Variants in CDH9 observed in about 807,000 individuals in gnomAD.
CDH9 encodes cadherin-9.
Under a neutral mutation model 70.9 loss-of-function variants are expected in CDH9, and 28 were observed. That is an observed-to-expected ratio of 0.40 (90% CI 0.29 to 0.54). The LOEUF (loss-of-function observed/expected upper bound fraction) is 0.54, where lower values mean the gene tolerates loss of function less well. CDH9 is among the 20% of genes least tolerant of loss of function. The probability of loss-of-function intolerance (pLI) is 0.59; values close to 1 mark genes in which losing one functional copy is unlikely to be tolerated. For missense variants in CDH9, 874 were observed against 984.4 expected, an observed-to-expected ratio of 0.89 and a Z score of 1.50; for synonymous variants, 409 against 343.1, an observed-to-expected ratio of 1.19 and a Z score of -2.12.
chr5:26,930,677 A>C (rs1741427194), intron 2 of CDH9, among the ~76,000 whole-genome samples: 1 of 152,046 alleles, frequency 6.6e-6, no homozygotes, highest in Non-Finnish European at 1.5e-5. Flanking sequence ...CCTGTTATTA[A>C]TTGCAAAGGT....
At chr5:27,017,132 C>T (rs1743059779) in intron 1 of CDH9, among the ~76,000 whole-genome samples, 1 of 151,732 alleles carries the variant, frequency 6.6e-6, no homozygotes, top group Non-Finnish European at 1.5e-5. Context: ...TGTCAAAGTA[C>T]TTTTCAAAAA....
At chr5:27,038,209 AT>A (rs1345338187) in intron 1 of CDH9, among the ~76,000 whole-genome samples, 1 of 151,986 alleles carries the variant, frequency 6.6e-6, no homozygotes, top group African/African-American at 2.4e-5. Flanking sequence ...TATGAGGACT[AT>A]AAAAAGAGCT....
chr5:26,883,087 AT>A (rs1561181241), intron 11 of CDH9, among the ~76,000 whole-genome samples: 101 of 130,630 alleles, frequency 7.7e-4, no homozygotes, highest in African/African-American at 2.7e-3. Flanking sequence ...ATATATATAT[AT>A]ATATATAAAA....
intron 1 of CDH9, among the ~76,000 whole-genome samples, chr5:26,994,252 A>T (rs549781419): frequency 6.6e-6 from 1 of 152,290 alleles, no homozygotes; most frequent in Non-Finnish European, 1.5e-5. Context: ...TGGAATAAGT[A>T]TAGACTTTGG....
At chr5:26,964,556 T>G (rs895674452) in intron 2 of CDH9, among the ~76,000 whole-genome samples, 3 of 152,162 alleles carry the variant, frequency 2.0e-5, no homozygotes, top group Non-Finnish European at 4.4e-5. Context: ...GAGATCATAT[T>G]TATTATATGA....
intron 7 of CDH9, 59 bp from the exon 8 acceptor site, chr5:26,890,623 T>C (rs1157329284): frequency 2.5e-6 from 3 of 1,219,348 alleles, no homozygotes; most frequent in Admixed American, 1.8e-5. Context: ...GTTCTACTCT[T>C]TCTTAAAGCT....
Position 26,906,729 on chromosome 5 carries a change from G to C in CDH9, c.633C>G (p.Asp211Glu). ...ILQGQPYFSV[D>E]PESGIIKTAL... is the part of the protein sequence containing the mutation. Reference sequence around the variant, plus strand: ...GTTTAAATGTTGTACCTGATTCTGGGTCCACTGAAAAATATGGCTGTCCTT... The same window carrying C: ...GTTTAAATGTTGTACCTGATTCTGGCTCCACTGAAAAATATGGCTGTCCTT... Residue 211 changes from aspartate (D) to glutamate (E), a missense_variant, in exon 4 of 12, where the codon GAC (aspartate) becomes GAG (glutamate). Physicochemically the swap from Asp to Glu is conservative, Grantham distance 45. Transcript: ENST00000231021. The C allele has an allele frequency of 6.2e-7, 1 of 1,612,876 alleles. No homozygotes were observed. Among genetic ancestry groups the C allele is most frequent in the Non-Finnish European group, 8.5e-7 (1 of 1,179,448 alleles).
chr5:26,925,434 A>G (rs1411009238), intron 2 of CDH9, among the ~76,000 whole-genome samples: 3 of 152,102 alleles, frequency 2.0e-5, no homozygotes, highest in African/African-American at 7.2e-5. Flanking sequence ...AGTTCTTTGT[A>G]GATTCTAGAT....
intron 1 of CDH9, 105 bp from the exon 2 acceptor site, chr5:26,988,487 G>A (rs1312251479): frequency 6.2e-6 from 6 of 975,552 alleles, no homozygotes; most frequent in Non-Finnish European, 8.6e-6. Flanking sequence ...ATTTTATTAT[G>A]TACTATATAT....
chr5:27,009,789 T>A (rs527384363), intron 1 of CDH9, among the ~76,000 whole-genome samples: 2 of 152,104 alleles, frequency 1.3e-5, no homozygotes, highest in Non-Finnish European at 2.9e-5. Flanking sequence ...TCTATTTGAC[T>A]CCAGTCAGTT....
At position 26,965,572 on chromosome 5, in the gene CDH9, T is replaced by C. The variant is rs184844922; in HGVS notation, c.228+22534A>G. Among the ~76,000 whole-genome samples the C allele has an allele frequency of 6.4e-3, 916 of 142,846 alleles. 9 individuals carry two copies. Among genetic ancestry groups the C allele is most frequent in the African/African-American group, 0.024 (863 of 35,494 alleles). The allele number at this position is 142,846 out of a possible 152,430, so 93.7% of individuals were successfully genotyped here. A position where few individuals can be genotyped will look rare whatever the true frequency, so the allele number is the denominator to read the frequency against. On this transcript the variant is annotated intron_variant, in intron 2 of 11. Transcript: ENST00000231021. ...GCGTGCATGACAGAGTGAGACTCTG[T>C]CTTAATAATAATAATAATAATAATA...
intron 1 of CDH9, among the ~76,000 whole-genome samples, chr5:26,997,103 T>C (rs1742678717): frequency 6.6e-6 from 1 of 152,072 alleles, no homozygotes; most frequent in Non-Finnish European, 1.5e-5. Context: ...TTATAAAATA[T>C]GATATGTATA....
At chr5:26,899,327 C>A (rs1485366430) in intron 7 of CDH9, among the ~76,000 whole-genome samples, 1 of 152,106 alleles carries the variant, frequency 6.6e-6, no homozygotes, top group East Asian at 1.9e-4. Context: ...TGGGTATATA[C>A]CCCAAGGATT....
intron 1 of CDH9, among the ~76,000 whole-genome samples, chr5:27,035,536 C>A (rs149636740): frequency 4.1e-4 from 62 of 151,780 alleles, no homozygotes; most frequent in African/African-American, 1.5e-3. Flanking sequence ...TTATATTTAG[C>A]ATGCTTTCTT....
intron 2 of CDH9, among the ~76,000 whole-genome samples, chr5:26,925,015 T>A (rs1291463595): frequency 6.6e-6 from 1 of 152,094 alleles, no homozygotes; most frequent in Non-Finnish European, 1.5e-5. Flanking sequence ...TAAACATACG[T>A]GTGCATGTGT....
intron 4 of CDH9, 60 bp downstream of exon 4, chr5:26,906,659 A>C (rs1740953931): frequency 1.3e-6 from 2 of 1,552,306 alleles, no homozygotes; most frequent in Middle Eastern, 1.7e-4. Context: ...AAATCTCTAA[A>C]TTAATTATGC....
At chr5:26,940,521 G>T (rs981134152) in intron 2 of CDH9, among the ~76,000 whole-genome samples, 6 of 144,222 alleles carry the variant, frequency 4.2e-5, no homozygotes, top group Non-Finnish European at 1.5e-5. Context: ...GTTATAAAAG[G>T]TTATAAAAAG....
chr5:26,958,909 A>G (rs915787264), intron 2 of CDH9, among the ~76,000 whole-genome samples: 17 of 152,190 alleles, frequency 1.1e-4, no homozygotes, highest in African/African-American at 4.1e-4. Context: ...CAAAACTCTT[A>G]GGAGAAAACA....
chr5:26,983,817 T>G (rs1048008973), intron 2 of CDH9, among the ~76,000 whole-genome samples: 4 of 152,166 alleles, frequency 2.6e-5, no homozygotes, highest in African/African-American at 7.2e-5. Context: ...CTATTTCTAT[T>G]TCTAATTTAT....
Sources: allele counts gnomAD v4.1 joint callset (sites outside exome capture counted in the v4.1 genomes callset), GRCh38; gene constraint gnomAD v4.1.1; transcripts MANE v1.5; gene names NCBI Gene and HGNC (gene_info 2026-07-23, HGNC 2026-07-21).